CHRNA7: variants seen among roughly 807,000 people sequenced by gnomAD.
CHRNA7 encodes the protein neuronal acetylcholine receptor subunit alpha-7.
A neutral mutation model predicts 48.0 loss-of-function variants in CHRNA7; 17 were observed. That is an observed-to-expected ratio of 0.35 (90% CI 0.24 to 0.53). The LOEUF is 0.53. CHRNA7 is among the 20% of genes least tolerant of loss of function. The pLI is 0.92. For synonymous variants in CHRNA7, 75 were observed against 242.3 expected (o/e 0.31, Z 6.41); for missense variants, 155 against 577.7 (o/e 0.27, Z 7.50).
chr15:32,144,274 G>A (rs1247125274), intron 4 of CHRNA7, among the ~76,000 whole-genome samples: 6 of 152,150 alleles, frequency 3.9e-5, no homozygotes, highest in South Asian at 2.1e-4. Flanking sequence ...GGTTTCTGCC[G>A]AGAGATCCAC....
intron 2 of CHRNA7, among the ~76,000 whole-genome samples, chr15:32,035,554 G>A (rs1902044625): frequency 6.6e-6 from 1 of 152,186 alleles, no homozygotes; most frequent in Non-Finnish European, 1.5e-5. Context: ...AAGATGGCAG[G>A]CAGGGCTGTG....
At chr15:32,082,169 A>G (rs907990843) in intron 2 of CHRNA7, among the ~76,000 whole-genome samples, 1 of 151,910 alleles carries the variant, frequency 6.6e-6, no homozygotes, top group African/African-American at 2.4e-5. Context: ...TTTGACTGTG[A>G]TGTGTCGTGG....
chr15:32,145,887 G>A (rs113171516), intron 4 of CHRNA7, among the ~76,000 whole-genome samples: 49 of 152,312 alleles, frequency 3.2e-4, no homozygotes, highest in African/African-American at 1.0e-3. Context: ...TGGGTGAGGC[G>A]ACGCCCCACC....
At chr15:32,061,284 A>G (rs1250189523) in intron 2 of CHRNA7, among the ~76,000 whole-genome samples, 1 of 152,172 alleles carries the variant, frequency 6.6e-6, no homozygotes, top group South Asian at 2.1e-4. Context: ...TGGCAACAGA[A>G]GAGGAGGAAG....
At chr15:32,135,571 C>T (rs1018504389) in intron 4 of CHRNA7, among the ~76,000 whole-genome samples, 2 of 152,102 alleles carry the variant, frequency 1.3e-5, no homozygotes, top group African/African-American at 2.4e-5. Context: ...GTGAACAGGG[C>T]GAGACTTGCT....
intron 2 of CHRNA7, among the ~76,000 whole-genome samples, chr15:32,092,960 T>C (rs1038378449): frequency 6.6e-6 from 1 of 152,226 alleles, no homozygotes; most frequent in Non-Finnish European, 1.5e-5. Context: ...TACAGAAATT[T>C]TGTAACCAAG....
At chr15:32,076,272 C>T (rs2050134618) in intron 2 of CHRNA7, among the ~76,000 whole-genome samples, 1 of 152,142 alleles carries the variant, frequency 6.6e-6, no homozygotes, top group African/African-American at 2.4e-5. Flanking sequence ...TAAACATCTC[C>T]AGCTATAATT....
At chr15:32,093,777 G>GA (rs1385527071) in intron 2 of CHRNA7, among the ~76,000 whole-genome samples, 3 of 151,592 alleles carry the variant, frequency 2.0e-5, no homozygotes, top group Non-Finnish European at 4.4e-5. Context: ...CTGTTGGGAG[G>GA]AAAAAAAATA....
intron 4 of CHRNA7, among the ~76,000 whole-genome samples, chr15:32,114,098 A>G (rs1461943063): frequency 6.8e-6 from 1 of 146,902 alleles, no homozygotes; most frequent in Non-Finnish European, 1.5e-5. Flanking sequence ...ATACACACAC[A>G]CATATACACA....
At chr15:32,049,614 T>C (rs999439746) in intron 2 of CHRNA7, among the ~76,000 whole-genome samples, 6 of 152,202 alleles carry the variant, frequency 3.9e-5, no homozygotes, top group Admixed American at 1.3e-4. Flanking sequence ...TGCCAGTCTG[T>C]GTCTTTTAAT....
intron 4 of CHRNA7, among the ~76,000 whole-genome samples, chr15:32,112,892 C>G (rs748636210): frequency 1.3e-5 from 2 of 152,126 alleles, no homozygotes; most frequent in Non-Finnish European, 2.9e-5. Flanking sequence ...ATCATTGGGC[C>G]CGTTTCTAGA....
intron 2 of CHRNA7, among the ~76,000 whole-genome samples, chr15:32,036,664 G>C (rs570615969): frequency 6.6e-6 from 1 of 152,020 alleles, no homozygotes; most frequent in African/African-American, 2.4e-5. Flanking sequence ...TTTTATATTT[G>C]CATTTCCCTG....
At chr15:32,119,561 A>G (rs2050931074) in intron 4 of CHRNA7, among the ~76,000 whole-genome samples, 1 of 152,128 alleles carries the variant, frequency 6.6e-6, no homozygotes, top group South Asian at 2.1e-4. Flanking sequence ...CTTGGCTTTG[A>G]CTGTGAGACA....
intron 4 of CHRNA7, among the ~76,000 whole-genome samples, chr15:32,129,291 A>T (rs966772329): frequency 1.3e-5 from 2 of 151,886 alleles, no homozygotes; most frequent in Non-Finnish European, 3.0e-5. Flanking sequence ...TCTGTGTTTT[A>T]TCCTTTTTTA....
In CHRNA7 at chr15:32,105,659, G is replaced by A. The variant is rs940904192; in HGVS notation, c.240+4312G>A. Among the ~76,000 whole-genome samples, 3 of 152,148 alleles carry A rather than the reference G, an allele frequency of 2.0e-5. No individual in the cohort carries two copies. In the South Asian group the frequency reaches 6.2e-4, roughly 32 times the overall value. On this transcript the variant is annotated intron_variant, in intron 3 of 9. Coordinates refer to ENST00000306901, the MANE Select transcript of CHRNA7 (RefSeq NM_000746.6). ...TTAAAGAAATGGGAGAGAAGGAGAG[G>A]CACAAATTCTCCTAAACGTGAAGAT...
chr15:32,139,306 T>C (rs972287595), intron 4 of CHRNA7, among the ~76,000 whole-genome samples: 1 of 152,264 alleles, frequency 6.6e-6, no homozygotes, highest in African/African-American at 2.4e-5. Context: ...CAATTATGAA[T>C]AAAGCTGCTA....
chr15:32,133,833 C>T (rs965912050), intron 4 of CHRNA7, among the ~76,000 whole-genome samples: 3 of 152,164 alleles, frequency 2.0e-5, no homozygotes, highest in African/African-American at 4.8e-5. Context: ...GAGTGCAGGG[C>T]ACCTGGAGAG....
At chr15:32,107,374 A>G (rs113026042) in intron 3 of CHRNA7, among the ~76,000 whole-genome samples, 1,866 of 152,104 alleles carry the variant, frequency 0.012, 34 homozygotes, top group African/African-American at 0.033. Flanking sequence ...ATAACTTTCT[A>G]AGATGACTGA....
At chr15:32,136,457 C>T (rs2051259042) in intron 4 of CHRNA7, among the ~76,000 whole-genome samples, 1 of 148,572 alleles carries the variant, frequency 6.7e-6, no homozygotes, top group African/African-American at 2.5e-5. Context: ...CACCACTGCA[C>T]TCCAACCTGG....
Sources: gnomAD v4.1 joint callset for allele counts (sites outside exome capture counted in the v4.1 genomes callset) on GRCh38, gnomAD v4.1.1 for gene constraint, MANE v1.5 for transcripts, NCBI Gene and HGNC (gene_info 2026-07-23, HGNC 2026-07-21) for gene names.